Variants in KRT7 observed in about 807,000 individuals in gnomAD.
KRT7 encodes the protein keratin, type II cytoskeletal 7.
In KRT7, 50 loss-of-function variants were observed where a neutral mutation model predicts 42.8. That is an observed-to-expected ratio of 1.17 (90% CI 0.93 to 1.48). The LOEUF (loss-of-function observed/expected upper bound fraction) is 1.48, where lower values mean the gene tolerates loss of function less well. Among genes scored for constraint, KRT7 ranks in the 40% most tolerant of loss-of-function variants. The pLI is 0.00. For synonymous variants in KRT7, 268 were observed against 266.3 expected, an observed-to-expected ratio of 1.01 and a Z score of -0.06; for missense variants, 588 against 637.6, an observed-to-expected ratio of 0.92 and a Z score of 0.84.
At chr12:52,250,848 A>G (rs1338013724), downstream of KRT7, among the ~76,000 whole-genome samples, 1 of 152,238 alleles carries the variant, frequency 6.6e-6, no homozygotes, top group East Asian at 1.9e-4. Flanking sequence ...CACAACAGAG[A>G]CATGTTCTGA....
In KRT7 at chr12:52,248,181, G is replaced by T. The variant is rs1191842222; in HGVS notation, c.1210G>T (p.Ala404Ser). The T allele has an allele frequency of 2.5e-6, 4 of 1,613,994 alleles. No individual in the cohort carries two copies. Among genetic ancestry groups the T allele is most frequent in the African/African-American group, 1.3e-5 (1 of 74,944 alleles). The change falls in exon 8 of 9, where the codon GCT becomes TCT. Residue 404 changes from alanine to serine, a missense_variant. Transcript: ENST00000331817. ...CTGTCTGTCCTCTGCCCCCAGGTTG[G>T]CTGGAGATGGAGTGGGAGCCGTGAA... The part of the protein sequence containing the change: ...KLLEGEESRL[A>S]GDGVGAVNIS...
intron 5 of KRT7, among the ~76,000 whole-genome samples, chr12:52,242,595 C>T (rs1300158010): frequency 6.6e-6 from 1 of 152,182 alleles, no homozygotes; most frequent in Non-Finnish European, 1.5e-5. Context: ...AACAAGAAGA[C>T]CTGGGTTCAG....
chr12:52,245,874 T>A (rs1257781388), intron 7 of KRT7: 1 of 564,216 alleles, frequency 1.8e-6, no homozygotes, highest in African/African-American at 1.9e-5. Context: ...TCCCTTTGTG[T>A]GTGCGGCTTC....
rs370849999 is a variant in KRT7, at chr12:52,235,330, G to A, written c.500G>A (p.Arg167Gln). 83 of 1,613,278 alleles carry A rather than the reference G, an allele frequency of 5.1e-5. No homozygotes were observed. The highest frequency in any genetic ancestry group is 1.5e-4 in the Admixed American group (9 of 60,006). Residue 167 changes from arginine (R) to glutamine (Q), a missense_variant, in exon 2 of 9, where the codon CGG becomes CAG. Transcript: ENST00000331817. ...VDGGRLEAEL[R>Q]SMQDVVEDFK... ...GGGGGCCGCCTGGAGGCGGAGCTGCGGAGCATGCAGGATGTGGTGGAGGAC... is the reference window on the plus strand; with the variant it reads ...GGGGGCCGCCTGGAGGCGGAGCTGCAGAGCATGCAGGATGTGGTGGAGGAC...
At chr12:52,255,386 C>G (rs1323996420), downstream of KRT7, 3 of 456,770 alleles carry the variant, frequency 6.6e-6, no homozygotes, top group Admixed American at 7.0e-5. Flanking sequence ...CAGCAGTGGC[C>G]CTTAGTGCCA....
At chr12:52,251,171 G>A (rs1429706705), downstream of KRT7, among the ~76,000 whole-genome samples, 1 of 152,012 alleles carries the variant, frequency 6.6e-6, no homozygotes, top group South Asian at 2.1e-4. Context: ...GTAGAGACGG[G>A]GTTTCACCAT....
At chr12:52,237,419 G>A in intron 2 of KRT7, 90 bp from the exon 3 acceptor site, 1 of 904,282 alleles carries the variant, frequency 1.1e-6, no homozygotes, top group Non-Finnish European at 1.7e-6. Flanking sequence ...GGGAAGGGAG[G>A]CAGGGCAGAT....
downstream of KRT7, among the ~76,000 whole-genome samples, chr12:52,253,038 C>T (rs1202658235): frequency 6.6e-6 from 1 of 152,196 alleles, no homozygotes; most frequent in Non-Finnish European, 1.5e-5. Context: ...CCATATTGCC[C>T]CAATGCCTCC....
intron 2 of KRT7, among the ~76,000 whole-genome samples, 153 bp downstream of exon 2, chr12:52,235,519 C>T (rs1217427167): frequency 6.6e-6 from 1 of 152,224 alleles, no homozygotes; most frequent in African/African-American, 2.4e-5. Flanking sequence ...CAACACATTT[C>T]CTGCCTTTCC....
chr12:52,253,839 C>T (rs1426472833), downstream of KRT7: 2 of 495,884 alleles, frequency 4.0e-6, no homozygotes, highest in Non-Finnish European at 8.1e-6. Flanking sequence ...TCATCATCAT[C>T]CCTTGTCCCC....
chr12:52,238,535 T>C, intron 3 of KRT7, 145 bp from the exon 4 acceptor site: 1 of 631,312 alleles, frequency 1.6e-6, no homozygotes, highest in Non-Finnish European at 2.9e-6. Flanking sequence ...TGTGACCATG[T>C]ACAGCAGCTG....
At chr12:52,236,204 C>CG (rs1014251986) in intron 2 of KRT7, among the ~76,000 whole-genome samples, 39 of 150,940 alleles carry the variant, frequency 2.6e-4, no homozygotes, top group African/African-American at 4.6e-4. Context: ...AGTGCCCCCC[C>CG]CCAACACTCC....
In KRT7 at chr12:52,242,944, G is replaced by C. The variant is rs1267908354; in HGVS notation, c.859-68G>C. On this transcript the variant is annotated intron_variant, in intron 5 of 8. Transcript: ENST00000331817. ...ATAAGTTGGGAGGGGCCTTGGGTGG[G>C]GAGAGGGATGAGTTACCTGTACTCA... 4.6e-6 allele frequency: 7 copies of C among 1,509,718 alleles called. No homozygotes were observed. In the African/African-American group the frequency reaches 8.5e-5, roughly 18 times the overall value. 93.5% of individuals were successfully genotyped at this position (1,509,718 alleles called of 1,614,324 possible).
chr12:52,251,855 C>G (rs1942270759), downstream of KRT7: 6 of 373,580 alleles, frequency 1.6e-5, no homozygotes, highest in South Asian at 1.3e-4. Context: ...CCGCTTCCTT[C>G]AAGTATTGCC....
At position 52,237,552 on chromosome 12, in the gene KRT7, T is replaced by C; in HGVS notation, c.580T>C (p.Phe194Leu). The part of the protein sequence containing the change: ...INHRTAAENE[F>L]VVLKKDVDAA... ...CCACCGCACAGCTGCTGAGAATGAG[T>C]TTGTGGTGCTGAAGAAGGTGAGTGG... Residue 194 changes from phenylalanine (F) to leucine (L), a missense_variant, in exon 3 of 9, where the codon TTT (phenylalanine) becomes CTT (leucine). By Grantham distance (22) the Phe-to-Leu change is conservative (BLOSUM62 0). Transcript: ENST00000331817. The C allele has an allele frequency of 1.9e-6, 3 of 1,610,986 alleles. No homozygotes were observed. The highest frequency in any genetic ancestry group is 1.3e-5 in the African/African-American group (1 of 74,638).
chr12:52,244,333 G>T (rs893391015), intron 6 of KRT7: 38 of 985,532 alleles, frequency 3.9e-5, no homozygotes, highest in Non-Finnish European at 4.6e-5. Flanking sequence ...CCCAAACCCT[G>T]CAGCCTCTAC....
At chr12:52,245,736 A>T in intron 7 of KRT7, 104 bp downstream of exon 7, 1 of 1,422,914 alleles carries the variant, frequency 7.0e-7, no homozygotes, top group East Asian at 2.3e-5. Context: ...CCTCCTCTGC[A>T]GGGCACTGGG....
intron 3 of KRT7, among the ~76,000 whole-genome samples, chr12:52,238,231 A>G (rs1030961210): frequency 1.3e-5 from 2 of 152,190 alleles, no homozygotes; most frequent in Non-Finnish European, 2.9e-5. Flanking sequence ...GCCCACCTGC[A>G]TCATAGTTAC....
chr12:52,245,412 C>T lies in KRT7; in HGVS notation c.985C>T (p.Arg329Cys), dbSNP rs535106511. The T allele has an allele frequency of 5.6e-5, 91 of 1,613,420 alleles. No individual in the cohort carries two copies. The highest frequency in any genetic ancestry group is 5.3e-4 in the South Asian group (48 of 91,062). ...CTTACAGCTGCACTGCTGCCCACAG[C>T]GTGCCAAGTTGGAGGCCGCCATTGC... ...QAEIDNIKNQ[R>C]AKLEAAIAEA... Residue 329 changes from arginine to cysteine, a missense_variant and splice_region_variant, in exon 7 of 9, where the codon CGT becomes TGT. Coordinates refer to ENST00000331817, the MANE Select transcript of KRT7 (RefSeq NM_005556.4).
Sources: gnomAD v4.1 joint callset for allele counts (sites outside exome capture counted in the v4.1 genomes callset) on GRCh38, gnomAD v4.1.1 for gene constraint, MANE v1.5 for transcripts, NCBI Gene and HGNC (gene_info 2026-07-23, HGNC 2026-07-21) for gene names.